Variants in DMD observed in about 807,000 individuals in gnomAD.
The protein encoded by DMD is mutant dystrophin.
A neutral mutation model predicts 330.1 loss-of-function variants in DMD; 63 were observed. The ratio of observed to expected loss-of-function variants is 0.19; its 90% CI spans 0.16 to 0.24. The LOEUF (loss-of-function observed/expected upper bound fraction) is 0.24. Among genes scored for constraint, DMD ranks in the 10% least tolerant of loss-of-function variants. DMD has a pLI of 1.00. For missense variants in DMD, 3,344 were observed against 2,684.1 expected, an observed-to-expected ratio of 1.25 and a Z score of -5.43; for synonymous variants, 1,223 against 959.8, an observed-to-expected ratio of 1.27 and a Z score of -5.07.
At chrX:32,884,585 G>A (rs765652488) in intron 2 of DMD, among the ~76,000 whole-genome samples, 1 of 111,896 alleles carries the variant, frequency 8.9e-6, no homozygotes, top group Non-Finnish European at 1.9e-5. Context: ...ACTAACAGAT[G>A]TTGCTGGAAT....
chrX:33,121,618 T>C (rs1283850415), intron 1 of DMD, among the ~76,000 whole-genome samples: 3 of 112,151 alleles, frequency 2.7e-5, no homozygotes, highest in Non-Finnish European at 3.8e-5. Flanking sequence ...TCCAAAATGC[T>C]CTGCAGAATC....
chrX:32,325,697 C>T (rs952479226), intron 41 of DMD, among the ~76,000 whole-genome samples: 1 of 111,599 alleles, frequency 9.0e-6, no homozygotes, highest in South Asian at 3.7e-4. Context: ...TTTTTAGGTG[C>T]CTGAGATTCC....
chrX:32,756,981 C>T (rs936346949), intron 7 of DMD, among the ~76,000 whole-genome samples: 3 of 111,580 alleles, frequency 2.7e-5, no homozygotes, highest in Admixed American at 1.9e-4. Flanking sequence ...AATTAGTCTT[C>T]GTCAGCAAGA....
Position 31,173,576 on chromosome X carries a change from C to G in DMD, c.10291G>C (p.Asp3431His), listed in dbSNP as rs776084073. The G allele has an allele frequency of 8.3e-7, 1 of 1,210,062 alleles. No homozygotes were observed. The highest frequency in any genetic ancestry group is 1.8e-5 in the South Asian group (1 of 56,891). ...APASSPQLSH[D>H]DTHSRIEHYA... ...TGTTCAATGCGTGAATGAGTATCAT[C>G]GTGTGAAAGCTGAGGGGACGAGGCA... is the stretch of plus-strand genomic sequence containing the variant. The change falls in exon 72 of 79, where the codon GAT becomes CAT. Residue 3431 changes from aspartate to histidine, a missense_variant. Physicochemically the swap from Asp to His is moderately conservative, Grantham distance 81. Transcript: ENST00000357033.
intron 30 of DMD, among the ~76,000 whole-genome samples, chrX:32,406,276 C>A (rs1287572944): frequency 1.8e-5 from 2 of 111,436 alleles, no homozygotes; most frequent in African/African-American, 6.5e-5. Flanking sequence ...CTGGCCAGAA[C>A]TTCCAACAGT....
chrX:31,572,419 G>A (rs1483811551), intron 55 of DMD, among the ~76,000 whole-genome samples: 1 of 111,798 alleles, frequency 8.9e-6, no homozygotes, highest in African/African-American at 3.3e-5. Context: ...TACCACTTTA[G>A]TGCAGACTGG....
At chrX:32,542,889 C>A (rs1288943655) in intron 17 of DMD, among the ~76,000 whole-genome samples, 3 of 111,637 alleles carry the variant, frequency 2.7e-5, no homozygotes, top group Non-Finnish European at 5.6e-5. Context: ...AAAGTTGATG[C>A]TATATATAAT....
At chrX:33,131,354 C>T (rs866955188) in intron 1 of DMD, among the ~76,000 whole-genome samples, 2 of 111,562 alleles carry the variant, frequency 1.8e-5, no homozygotes, top group African/African-American at 6.5e-5. Flanking sequence ...ATCAGAGTCT[C>T]TAGAAATGAG....
chrX:32,863,539 C>T (rs28493015), intron 2 of DMD, among the ~76,000 whole-genome samples: 7 of 30,131 alleles, frequency 2.3e-4, no homozygotes, highest in African/African-American at 6.7e-4. Context: ...TGTGTTTATA[C>T]ACACACACAC....
At chrX:31,824,472 A>T (rs193299544) in intron 49 of DMD, among the ~76,000 whole-genome samples, 43 of 110,313 alleles carry the variant, frequency 3.9e-4, no homozygotes, top group Admixed American at 1.4e-3. Context: ...GGCTGCCTTG[A>T]ACTCCTGACC....
intron 9 of DMD, among the ~76,000 whole-genome samples, chrX:32,681,044 T>G (rs753979919): frequency 8.9e-6 from 1 of 112,503 alleles, no homozygotes; most frequent in East Asian, 2.8e-4. Flanking sequence ...TTATCTAATC[T>G]TTTTGCTATT....
At chrX:32,519,511 G>A (rs1189455590) in intron 17 of DMD, among the ~76,000 whole-genome samples, 3 of 111,103 alleles carry the variant, frequency 2.7e-5, no homozygotes. Flanking sequence ...TACTTAAAGG[G>A]AACATATCAG....
At chrX:33,255,427 A>T (rs773652032) in intron 1 of DMD, among the ~76,000 whole-genome samples, 14 of 111,427 alleles carry the variant, frequency 1.3e-4, no homozygotes, top group Non-Finnish European at 2.7e-4. Flanking sequence ...AGAAATGTTT[A>T]TGTTGCTAAC....
chrX:32,248,824 A>C (rs2097252413), intron 43 of DMD, among the ~76,000 whole-genome samples: 1 of 111,319 alleles, frequency 9.0e-6, no homozygotes, highest in African/African-American at 3.3e-5. Flanking sequence ...GATTTTAAAC[A>C]TGAAAATAAT....
chrX:32,600,316 G>T (rs1446406155), intron 12 of DMD, among the ~76,000 whole-genome samples: 2 of 111,389 alleles, frequency 1.8e-5, no homozygotes, highest in Non-Finnish European at 3.8e-5. Flanking sequence ...GGAAATTTTT[G>T]ATTTGATGTT....
At chrX:32,690,247 G>A (rs772536451) in intron 9 of DMD, among the ~76,000 whole-genome samples, 2 of 110,704 alleles carry the variant, frequency 1.8e-5, no homozygotes, top group Non-Finnish European at 3.8e-5. Flanking sequence ...TGAGTTTCTA[G>A]GAGACAAATT....
chrX:32,924,954 T>G (rs2088825569), intron 2 of DMD, among the ~76,000 whole-genome samples: 1 of 110,380 alleles, frequency 9.1e-6, no homozygotes, highest in African/African-American at 3.3e-5. Context: ...AAATAAAATA[T>G]TAAGATGGAA....
chrX:31,823,078 G>T (rs1394400783), intron 49 of DMD, among the ~76,000 whole-genome samples: 2 of 112,569 alleles, frequency 1.8e-5, no homozygotes, highest in African/African-American at 6.5e-5. Context: ...CCAGCCAATG[G>T]GGGGAAAGGG....
intron 64 of DMD, 138 bp downstream of exon 64, chrX:31,222,909 A>C: frequency 1.8e-6 from 1 of 553,334 alleles, no homozygotes; most frequent in Admixed American, 2.8e-5. Flanking sequence ...CCAAGGATAC[A>C]TTAAAGAATG....
Sources: gnomAD v4.1 joint callset for allele counts (sites outside exome capture counted in the v4.1 genomes callset) on GRCh38, gnomAD v4.1.1 for gene constraint, MANE v1.5 for transcripts, NCBI Gene and HGNC (gene_info 2026-07-23, HGNC 2026-07-21) for gene names.